The following NPR3 variants were observed in gnomAD, a reference collection of about 807,000 sequenced individuals.
NPR3 encodes the protein natriuretic peptide receptor 3.
Under a neutral mutation model 54.5 loss-of-function variants are expected in NPR3, and 34 were observed. That is an observed-to-expected ratio of 0.62 (90% CI 0.47 to 0.83). The LOEUF is 0.83. Ranked by LOEUF, NPR3 falls within the 40% of genes least tolerant of loss-of-function variation. NPR3 has a pLI of 0.00. For missense variants in NPR3, 674 were observed against 720.8 expected (o/e 0.94, Z 0.74); for synonymous variants, 289 against 297.1 (o/e 0.97, Z 0.28).
In NPR3 at chr5:32,770,391, C is replaced by T. The variant is rs1040074502; in HGVS notation, c.1060-4317C>T. ...GCTGTAGTGAGCTGAGATTGCACCA[C>T]TGCACTCCAGCCTAGGTGACAAAGT... On this transcript the variant is annotated intron_variant, in intron 3 of 7. Transcript: ENST00000265074. 9.9e-5 allele frequency among the ~76,000 whole-genome samples: 15 copies of T among 151,432 alleles called. No individual in the cohort carries two copies. The East Asian group carries it at 2.1e-3, about 22-fold the overall frequency.
chr5:32,771,440 G>C (rs950279083), intron 3 of NPR3, among the ~76,000 whole-genome samples: 2 of 152,154 alleles, frequency 1.3e-5, no homozygotes, highest in Non-Finnish European at 2.9e-5. Context: ...TTAAACCTGC[G>C]AGGACGAAAG....
intron 1 of NPR3, chr5:32,716,427 T>C: frequency 2.2e-6 from 1 of 455,882 alleles, no homozygotes; most frequent in Non-Finnish European, 4.4e-6. Flanking sequence ...GAAAATTCTC[T>C]TCTTGATCAT....
upstream of NPR3, among the ~76,000 whole-genome samples, chr5:32,705,244 A>G (rs1177732711): frequency 6.6e-6 from 1 of 152,270 alleles, no homozygotes; most frequent in Non-Finnish European, 1.5e-5. Flanking sequence ...ATTCTGAGAA[A>G]GGACAAGATA....
In NPR3 at chr5:32,724,718, A is replaced by G; in HGVS notation, c.790A>G (p.Ser264Gly). 6.2e-7 allele frequency: 1 copy of G among 1,613,960 alleles called. No homozygotes were observed. The highest frequency in any genetic ancestry group is 1.6e-4 in the Middle Eastern group (1 of 6,062). The change falls in exon 2 of 8, where the codon AGT becomes GGT. Residue 264 changes from serine to glycine, a missense_variant. Ser to Gly is a moderately conservative substitution (Grantham distance 56). Transcript: ENST00000265074. ...CCTAGTGGTGATCATGTGTGCGAGC[A>G]GTGACACCATCCGGAGCATCATGCT... ...SERVVIMCAS[S>G]DTIRSIMLVA...
intron 6 of NPR3, 119 bp downstream of exon 6, chr5:32,783,147 G>A (rs1742428959): frequency 1.1e-6 from 1 of 941,242 alleles, no homozygotes; most frequent in Non-Finnish European, 1.5e-6. Context: ...TTCTTTCTCT[G>A]ATGTGGTAAA....
chr5:32,756,544 T>A (rs10056548), intron 3 of NPR3, among the ~76,000 whole-genome samples: 375 of 152,332 alleles, frequency 2.5e-3, no homozygotes, highest in African/African-American at 8.9e-3. Flanking sequence ...TTTCTCCCAT[T>A]CTGTAGGTTG....
At chr5:32,728,279 A>G (rs1266931010) in intron 2 of NPR3, among the ~76,000 whole-genome samples, 2 of 152,064 alleles carry the variant, frequency 1.3e-5, no homozygotes, top group Non-Finnish European at 2.9e-5. Flanking sequence ...CCTGGCCAAC[A>G]TGGTGAAACC....
At chr5:32,695,951 T>G (rs897214131) in intron 1 of NPR3, among the ~76,000 whole-genome samples, 12 of 152,168 alleles carry the variant, frequency 7.9e-5, no homozygotes, top group African/African-American at 2.7e-4. Context: ...AGTTTGAAAA[T>G]TTTTTCTCCC....
intron 1 of NPR3, among the ~76,000 whole-genome samples, chr5:32,691,067 G>A (rs1049230957): frequency 6.6e-6 from 1 of 152,180 alleles, no homozygotes; most frequent in South Asian, 2.1e-4. Flanking sequence ...CACTAGAAGA[G>A]CTGCCCATCT....
chr5:32,740,952 AC>A (rs1324163156), intron 3 of NPR3, among the ~76,000 whole-genome samples: 3 of 152,090 alleles, frequency 2.0e-5, no homozygotes, highest in East Asian at 3.8e-4. Context: ...CACAAAGGGT[AC>A]TGAACTTCCT....
At chr5:32,762,303 A>G (rs1741217223) in intron 3 of NPR3, among the ~76,000 whole-genome samples, 1 of 151,798 alleles carries the variant, frequency 6.6e-6, no homozygotes, top group African/African-American at 2.4e-5. Flanking sequence ...CTCTGGGTAT[A>G]TACCCAGTAG....
chr5:32,700,882 C>A (rs1294705621), intron 1 of NPR3, among the ~76,000 whole-genome samples: 3 of 152,154 alleles, frequency 2.0e-5, no homozygotes, highest in Admixed American at 6.5e-5. Flanking sequence ...TTTATAGTAG[C>A]ATGATTTATA....
chr5:32,739,030 C>A lies in NPR3; in HGVS notation c.1059C>A (p.Tyr353Ter), dbSNP rs373766629. The part of the protein sequence containing the change: ...VEKQGLNMED[Y>*]VNMFVEGFHD... ...AACAAGGGCTCAATATGGAGGATTACGTAAGTGCCTGATTATGAGCCTAGA... is the reference window on the plus strand; with the variant it reads ...AACAAGGGCTCAATATGGAGGATTAAGTAAGTGCCTGATTATGAGCCTAGA... Residue 353 changes from tyrosine (Y) to a stop codon, truncating the protein, a stop_gained and splice_region_variant, in exon 3 of 8, where the codon TAC (tyrosine) becomes TAA (stop). Transcript: ENST00000265074. LOFTEE classifies it high-confidence loss of function. 6.2e-7 allele frequency: 1 copy of A among 1,613,366 alleles called. No homozygotes were observed. Among genetic ancestry groups the A allele is most frequent in the Non-Finnish European group, 8.5e-7 (1 of 1,179,618 alleles).
intron 1 of NPR3, among the ~76,000 whole-genome samples, chr5:32,702,062 C>T (rs1004423997): frequency 6.6e-6 from 1 of 152,122 alleles, no homozygotes; most frequent in Non-Finnish European, 1.5e-5. Flanking sequence ...GGCCCTGAGG[C>T]TCTACAATTA....
chr5:32,761,496 G>C (rs748258405), intron 3 of NPR3, among the ~76,000 whole-genome samples: 6 of 151,974 alleles, frequency 3.9e-5, no homozygotes, highest in Non-Finnish European at 8.8e-5. Context: ...AAATACAGTT[G>C]ATTTTTATAT....
At chr5:32,738,239 C>T (rs1739852247) in intron 2 of NPR3, among the ~76,000 whole-genome samples, 1 of 152,094 alleles carries the variant, frequency 6.6e-6, no homozygotes, top group Non-Finnish European at 1.5e-5. Context: ...CTGCACCCAT[C>T]AACCCGTCAT....
At chr5:32,745,999 G>A (rs2111968880) in intron 3 of NPR3, among the ~76,000 whole-genome samples, 1 of 152,288 alleles carries the variant, frequency 6.6e-6, no homozygotes, top group East Asian at 1.9e-4. Context: ...GGGGGCCCAT[G>A]AGAGCTGCAT....
rs557487627 is a variant in NPR3 at position 32,763,206 on chromosome 5, C to G, written c.1060-11502C>G. 6.6e-5 allele frequency among the ~76,000 whole-genome samples: 10 copies of G among 152,250 alleles called. No homozygotes were observed. The East Asian group carries it at 7.7e-4, about 12-fold the overall frequency. ...ATTGGTCTATATATCTGTTTTGGTA[C>G]CAGTACCATGCTGTTTTGGTTACTG... On this transcript the variant is annotated intron_variant, in intron 3 of 7. Transcript: ENST00000265074.
Position 32,788,074 on chromosome 5 carries a change from A to C in NPR3, c.*1729A>C, listed in dbSNP as rs182866015. On this transcript the variant is annotated 3_prime_UTR_variant, in exon 8 of 8. Transcript: ENST00000265074. ...CCATGTGTGAGTGCTTCCCTGGAGA[A>C]GTCCGCTTCTGTTGCTCCCACCTGA... 6.6e-6 allele frequency: 1 copy of C among 152,302 alleles called. No individual in the cohort carries two copies. Among genetic ancestry groups the C allele is most frequent in the East Asian group, 1.9e-4 (1 of 5,184 alleles). The allele number at this position is 152,302 out of a possible 1,614,324, so 9.4% of individuals were successfully genotyped here. A position where few individuals can be genotyped will look rare whatever the true frequency, so the allele number is the denominator to read the frequency against.
Sources: gnomAD v4.1 joint callset for allele counts (sites outside exome capture counted in the v4.1 genomes callset) on GRCh38, gnomAD v4.1.1 for gene constraint, MANE v1.5 for transcripts, NCBI Gene and HGNC (gene_info 2026-07-23, HGNC 2026-07-21) for gene names.